TM7SF3: variants seen among roughly 807,000 people sequenced by gnomAD.
TM7SF3 encodes seven span transmembrane protein.
TM7SF3 carries 60 observed loss-of-function variants against 65.5 expected under a neutral mutation model. That is an observed-to-expected ratio of 0.92 (90% CI 0.74 to 1.14). The LOEUF (loss-of-function observed/expected upper bound fraction) is 1.14, where lower values mean the gene tolerates loss of function less well. TM7SF3 is among the 50% of genes most tolerant of loss of function. TM7SF3 has a pLI of 0.00. For missense variants in TM7SF3, 623 were observed against 684.8 expected (o/e 0.91, Z 1.01); for synonymous variants, 264 against 259.6 (o/e 1.02, Z -0.16).
At position 26,972,884 on chromosome 12, in the gene TM7SF3, G is replaced by A. The variant is rs1418420270; in HGVS notation, c.*1081C>T. On this transcript the variant is annotated 3_prime_UTR_variant, in exon 12 of 12. Transcript: ENST00000343028. Reference sequence around the variant, plus strand: ...GAAAAAAAAAAGGGGGCCATTATTTGGAATATAAATCACCCTTATAAAATT... The same window carrying A: ...GAAAAAAAAAAGGGGGCCATTATTTAGAATATAAATCACCCTTATAAAATT... Among the ~76,000 whole-genome samples the A allele has an allele frequency of 1.3e-5, 2 of 148,574 alleles. No individual in the cohort carries two copies. Among genetic ancestry groups the A allele is most frequent in the African/African-American group, 4.9e-5 (2 of 40,692 alleles).
intron 1 of TM7SF3, among the ~76,000 whole-genome samples, chr12:27,007,422 C>T (rs12582845): frequency 0.09 from 13,692 of 151,964 alleles, 740 homozygotes; most frequent in East Asian, 0.25. Context: ...TTTCATTACA[C>T]ATTTCTTTAT....
intron 1 of TM7SF3, among the ~76,000 whole-genome samples, chr12:27,011,282 T>C (rs922993484): frequency 6.6e-6 from 1 of 152,232 alleles, no homozygotes; most frequent in Non-Finnish European, 1.5e-5. Context: ...GCCCAAATGA[T>C]GCTGTGCTCA....
rs200978035 is a variant in TM7SF3, at chr12:26,974,098, C to T, written c.1580G>A (p.Arg527Gln). The T allele has an allele frequency of 2.6e-5, 42 of 1,614,154 alleles. No individual in the cohort carries two copies. The highest frequency in any genetic ancestry group is 9.3e-5 in the African/African-American group (7 of 75,026). The change falls in exon 12 of 12, where the codon CGA becomes CAA. Residue 527 changes from arginine to glutamine, a missense_variant. Physicochemically the swap from Arg to Gln is conservative, Grantham distance 43. Coordinates refer to ENST00000343028, the MANE Select transcript of TM7SF3 (RefSeq NM_016551.3). ...YKLWKQERER[R>Q]VTNILDPSYH... ...GCTAGGGTCCAGAATGTTTGTCACT[C>T]GGCGCTCTCTCTCTTGCTTCCATAA...
At chr12:27,003,462 T>C (rs1023444140) in intron 1 of TM7SF3, 72 bp from the exon 2 acceptor site, 41 of 1,401,948 alleles carry the variant, frequency 2.9e-5, no homozygotes, top group Non-Finnish European at 4.0e-5. Flanking sequence ...TATTCATAAA[T>C]GAATGTGGAA....
chr12:27,004,256 T>TGGATTCCTGGATTCCTGGA (rs1237680255), intron 1 of TM7SF3, among the ~76,000 whole-genome samples: 11 of 152,164 alleles, frequency 7.2e-5, no homozygotes, highest in Non-Finnish European at 1.5e-4. Context: ...CTTTTACTCC[T>TGGATTCCTGGATTCCTGGA]GTGCGGTCCT....
intron 10 of TM7SF3, 121 bp downstream of exon 10, chr12:26,976,139 A>C: frequency 4.1e-6 from 3 of 724,282 alleles, no homozygotes; most frequent in Non-Finnish European, 7.0e-6. Context: ...AGAATCAGTC[A>C]TCTGATACAG....
chr12:27,014,049 G>A (rs1219724861), intron 1 of TM7SF3, 29 bp downstream of exon 1: 1 of 1,542,378 alleles, frequency 6.5e-7, no homozygotes, highest in Non-Finnish European at 8.8e-7. Flanking sequence ...GCAACTTTGG[G>A]TTGCAGAAGC....
At position 26,973,645 on chromosome 12, in the gene TM7SF3, G is replaced by C. The variant is rs1375196424; in HGVS notation, c.*320C>G. On this transcript the variant is annotated 3_prime_UTR_variant, in exon 12 of 12. Transcript: ENST00000343028. ...AAAGAAACACCAGTGCTCTGCAGAA[G>C]AATCAGTTTTTAATTTTTTTAATGT... 1 of 222,232 alleles carries C rather than the reference G, an allele frequency of 4.5e-6. No homozygotes were observed. The allele number at this position is 222,232 out of a possible 1,614,324, so 13.8% of individuals were successfully genotyped here.
chr12:26,988,708 G>GTA (rs1940212589), intron 6 of TM7SF3, among the ~76,000 whole-genome samples: 1 of 144,048 alleles, frequency 6.9e-6, no homozygotes, highest in African/African-American at 2.6e-5. Flanking sequence ...GTGTGTGTGT[G>GTA]TACGTATCTA....
At chr12:27,011,648 G>A (rs1400355785) in intron 1 of TM7SF3, among the ~76,000 whole-genome samples, 1 of 152,166 alleles carries the variant, frequency 6.6e-6, no homozygotes, top group Non-Finnish European at 1.5e-5. Flanking sequence ...TTTCTAGGAG[G>A]ATTATGCAAG....
chr12:26,985,322 C>T (rs1450485529), intron 6 of TM7SF3, among the ~76,000 whole-genome samples: 1 of 151,830 alleles, frequency 6.6e-6, no homozygotes, highest in Non-Finnish European at 1.5e-5. Context: ...TATGGTGAAA[C>T]CCCATCTCAA....
chr12:26,994,961 A>T (rs1423207938), intron 5 of TM7SF3, among the ~76,000 whole-genome samples: 1 of 152,160 alleles, frequency 6.6e-6, no homozygotes, highest in Non-Finnish European at 1.5e-5. Context: ...GTACACAGAA[A>T]ATTACCACCT....
At chr12:26,980,740 C>T (rs1939779206) in intron 7 of TM7SF3, 94 bp from the exon 8 acceptor site, 5 of 617,072 alleles carry the variant, frequency 8.1e-6, no homozygotes, top group Non-Finnish European at 5.6e-6. Flanking sequence ...ATTTAATCTA[C>T]AAATACATGC....
At chr12:26,991,021 T>C (rs1275216562) in intron 5 of TM7SF3, among the ~76,000 whole-genome samples, 1 of 152,204 alleles carries the variant, frequency 6.6e-6, no homozygotes, top group Non-Finnish European at 1.5e-5. Flanking sequence ...GTGTCCAATG[T>C]TAGCCACAGA....
chr12:26,996,888 A>C, intron 3 of TM7SF3, 26 bp from the exon 4 acceptor site: 8 of 1,590,080 alleles, frequency 5.0e-6, no homozygotes, highest in Non-Finnish European at 6.8e-6. Flanking sequence ...GGAAGTTACT[A>C]AACAAACAAT....
chr12:26,999,576 C>T lies in TM7SF3; in HGVS notation c.347G>A (p.Gly116Asp). The T allele has an allele frequency of 6.2e-7, 1 of 1,614,080 alleles. No homozygotes were observed. The highest frequency in any genetic ancestry group is 8.5e-7 in the Non-Finnish European group (1 of 1,179,996). The change falls in exon 3 of 12, where the codon GGC becomes GAC. Residue 116 changes from glycine to aspartate, a missense_variant. Gly to Asp is a moderately conservative substitution (Grantham distance 94, BLOSUM62 -1). Coordinates refer to ENST00000343028, the MANE Select transcript of TM7SF3 (RefSeq NM_016551.3). ...AGCCATATTCTGGACAGGCTGTATG[C>T]CTGAAGTCCCCAAGTACCAAGTGCA... Reference protein sequence around the residue: ...STCTWYLGTSGIQPVQNMAIL... With the variant: ...STCTWYLGTSDIQPVQNMAIL...
At chr12:26,998,401 G>A (rs550643935) in intron 3 of TM7SF3, among the ~76,000 whole-genome samples, 22 of 152,072 alleles carry the variant, frequency 1.4e-4, no homozygotes, top group African/African-American at 4.8e-4. Context: ...TTTAAATTAT[G>A]TACTCTGCAT....
chr12:26,976,719 C>T (rs1305033562), intron 9 of TM7SF3, among the ~76,000 whole-genome samples: 3 of 152,202 alleles, frequency 2.0e-5, no homozygotes, highest in African/African-American at 7.2e-5. Flanking sequence ...TCTAAATCAC[C>T]TGTTAGCTCT....
In TM7SF3 at chr12:26,995,220, A is replaced by G. The variant is rs751261859; in HGVS notation, c.690+17T>C. The G allele has an allele frequency of 4.2e-5, 67 of 1,606,102 alleles. 1 individual carries two copies. The East Asian group carries it at 1.5e-3, about 35-fold the overall frequency. ...GTGTCACAATCCAGCCACACAAATCATGGGACTCAGATTTACCTTGAGAGC... is the reference window on the plus strand; with the variant it reads ...GTGTCACAATCCAGCCACACAAATCGTGGGACTCAGATTTACCTTGAGAGC... On this transcript the variant is annotated intron_variant, in intron 5 of 11. Coordinates refer to ENST00000343028, the MANE Select transcript of TM7SF3 (RefSeq NM_016551.3).
Sources: gnomAD v4.1 joint callset for allele counts (sites outside exome capture counted in the v4.1 genomes callset) on GRCh38, gnomAD v4.1.1 for gene constraint, MANE v1.5 for transcripts, NCBI Gene and HGNC (gene_info 2026-07-23, HGNC 2026-07-21) for gene names.